Variants in ARHGAP26 observed in about 807,000 individuals in gnomAD.
ARHGAP26 encodes the protein rho GTPase-activating protein 26.
In ARHGAP26, 38 loss-of-function variants were observed where a neutral mutation model predicts 104.8. The observed-to-expected ratio is 0.36, with a 90% confidence interval of 0.28 to 0.48. The LOEUF (loss-of-function observed/expected upper bound fraction) is 0.48, where lower values mean the gene tolerates loss of function less well. ARHGAP26 is among the 20% of genes least tolerant of loss of function. The pLI is 0.99. For synonymous variants in ARHGAP26, 341 were observed against 340.0 expected (o/e 1.00, Z -0.03); for missense variants, 704 against 947.9 (o/e 0.74, Z 3.38).
chr5:142,781,720 G>C (rs995906112), intron 1 of ARHGAP26, among the ~76,000 whole-genome samples: 2 of 152,062 alleles, frequency 1.3e-5, no homozygotes, highest in Admixed American at 1.3e-4. Flanking sequence ...AGAATTCATG[G>C]CTTTTTTTTG....
At chr5:142,872,776 A>G (rs556530076) in intron 1 of ARHGAP26, among the ~76,000 whole-genome samples, 1 of 152,286 alleles carries the variant, frequency 6.6e-6, no homozygotes, top group East Asian at 1.9e-4. Flanking sequence ...AGCCAGGAAA[A>G]TTCAGGTGAG....
rs6149274 is a variant in ARHGAP26, at chr5:143,167,482, C to CA, written c.1988+20137dup. Among the ~76,000 whole-genome samples, 126 of 60,090 alleles carry CA rather than the reference C, an allele frequency of 2.1e-3. 21 individuals are homozygous for CA. Among genetic ancestry groups the CA allele is most frequent in the Non-Finnish European group, 2.4e-3 (87 of 36,288 alleles). 39.4% of individuals were successfully genotyped at this position (60,090 alleles called of 152,430 possible). On this transcript the variant is annotated intron_variant, in intron 20 of 22. Transcript: ENST00000645722. ...TGCATGACAGAGCAAGACTCCATCT[C>CA]AAAAAAAAAAAAAAAAAAAAAAAAA...
At chr5:142,932,020 A>G (rs1764803841) in intron 10 of ARHGAP26, 27 bp from the exon 11 acceptor site, 1 of 1,609,480 alleles carries the variant, frequency 6.2e-7, no homozygotes, top group East Asian at 2.2e-5. Flanking sequence ...CACTGGTTTC[A>G]TATCCATGTC....
At chr5:142,847,817 G>A (rs1036181335) in intron 1 of ARHGAP26, among the ~76,000 whole-genome samples, 2 of 152,248 alleles carry the variant, frequency 1.3e-5, no homozygotes, top group Non-Finnish European at 2.9e-5. Flanking sequence ...GCATTTGGAG[G>A]TTTGGCCCAT....
chr5:142,776,896 T>C (rs1477214804), intron 1 of ARHGAP26, among the ~76,000 whole-genome samples: 1 of 152,214 alleles, frequency 6.6e-6, no homozygotes, highest in East Asian at 1.9e-4. Flanking sequence ...TGTATGAGGA[T>C]TCTGATTTCT....
At chr5:143,171,280 C>G (rs1400756431) in intron 20 of ARHGAP26, among the ~76,000 whole-genome samples, 1 of 152,116 alleles carries the variant, frequency 6.6e-6, no homozygotes, top group African/African-American at 2.4e-5. Context: ...AGTGACTTCC[C>G]CAAGGTCACA....
chr5:142,825,648 A>C (rs999212204), intron 1 of ARHGAP26, among the ~76,000 whole-genome samples: 2 of 152,242 alleles, frequency 1.3e-5, no homozygotes, highest in African/African-American at 4.8e-5. Context: ...GGGACGATAC[A>C]TTCCTTCTGG....
intron 11 of ARHGAP26, among the ~76,000 whole-genome samples, chr5:142,961,957 C>A (rs903162742): frequency 1.3e-5 from 2 of 152,150 alleles, no homozygotes; most frequent in African/African-American, 2.4e-5. Flanking sequence ...GTAGAAATTA[C>A]ACATCTTTTG....
In ARHGAP26 at chr5:143,185,478, G is replaced by A. The variant is rs534961842; in HGVS notation, c.1989-21720G>A. 3.9e-5 allele frequency among the ~76,000 whole-genome samples: 6 copies of A among 152,216 alleles called. No individual in the cohort carries two copies. The East Asian group carries it at 5.8e-4, about 15-fold the overall frequency. ...CTCCTTTTTTTCTTTTACCAAAAACGAAGTAGAAAGAAAGTAAGCTGGCTC... is the reference window on the plus strand; with the variant it reads ...CTCCTTTTTTTCTTTTACCAAAAACAAAGTAGAAAGAAAGTAAGCTGGCTC... On this transcript the variant is annotated intron_variant, in intron 20 of 22. Coordinates refer to ENST00000645722, the MANE Select transcript of ARHGAP26 (RefSeq NM_001135608.3).
intron 11 of ARHGAP26, among the ~76,000 whole-genome samples, chr5:142,955,812 GTGCATCTCATGCTGTCTCCA>G (rs990267300): frequency 2.0e-5 from 3 of 152,186 alleles, no homozygotes; most frequent in Non-Finnish European, 2.9e-5. Flanking sequence ...TTTGGCCAGG[GTGCATCTCATGCTGTCTCCA>G]TGCATCTCAT....
chr5:142,913,667 AT>A lies in ARHGAP26; in HGVS notation c.1028+382del, dbSNP rs555854561. Among the ~76,000 whole-genome samples the A allele has an allele frequency of 1.3e-4, 20 of 152,190 alleles. No individual in the cohort carries two copies. The South Asian group carries it at 3.3e-3, about 25-fold the overall frequency. ...TAGCATGATTGTATCAGCTATTTGA[AT>A]TTTTTTTAACTGAAAAAGTTAGTAT... On this transcript the variant is annotated intron_variant, in intron 10 of 22. Coordinates refer to ENST00000645722, the MANE Select transcript of ARHGAP26 (RefSeq NM_001135608.3).
chr5:142,933,334 C>G lies in ARHGAP26; in HGVS notation c.1107+1209C>G, dbSNP rs141921082. On this transcript the variant is annotated intron_variant, in intron 11 of 22. Transcript: ENST00000645722. ...CTCTTAACCTGTTTATTTCTCTTAG[C>G]ACTTAATGAAATAAGTGCTGTGATT... is the stretch of plus-strand genomic sequence containing the variant. Among the ~76,000 whole-genome samples, 468 of 152,132 alleles carry G rather than the reference C, an allele frequency of 3.1e-3. 4 individuals carry two copies. Among genetic ancestry groups the G allele is most frequent in the African/African-American group, 0.011 (448 of 41,496 alleles).
chr5:143,067,245 C>T (rs1342798116), intron 17 of ARHGAP26, among the ~76,000 whole-genome samples: 1 of 152,092 alleles, frequency 6.6e-6, no homozygotes, highest in African/African-American at 2.4e-5. Context: ...TCTGACTTTC[C>T]TTCTGTTTTA....
chr5:143,111,447 C>T (rs1562446256), intron 17 of ARHGAP26, among the ~76,000 whole-genome samples: 1 of 152,192 alleles, frequency 6.6e-6, no homozygotes, highest in African/African-American at 2.4e-5. Context: ...GAGCTCCAGC[C>T]TCTCCATTTG....
chr5:143,025,367 T>G (rs1488207468), intron 12 of ARHGAP26, among the ~76,000 whole-genome samples: 1 of 152,198 alleles, frequency 6.6e-6, no homozygotes, highest in Non-Finnish European at 1.5e-5. Context: ...CAAATTGTTC[T>G]TAAAGCATTT....
At chr5:143,034,489 G>T (rs1407137497) in intron 12 of ARHGAP26, among the ~76,000 whole-genome samples, 1 of 152,180 alleles carries the variant, frequency 6.6e-6, no homozygotes, top group East Asian at 1.9e-4. Flanking sequence ...AAAGGAGCTA[G>T]ACATAAAAGA....
At chr5:142,794,541 C>A (rs535488365) in intron 1 of ARHGAP26, among the ~76,000 whole-genome samples, 3 of 152,226 alleles carry the variant, frequency 2.0e-5, no homozygotes, top group Admixed American at 1.3e-4. Context: ...AATAAAGTAA[C>A]CCTGGACATT....
chr5:143,175,255 ACAGTTAATGATTGAAAGGACTAAT>A (rs1375617805), intron 20 of ARHGAP26, among the ~76,000 whole-genome samples: 3 of 152,186 alleles, frequency 2.0e-5, no homozygotes, highest in African/African-American at 7.2e-5. Context: ...GAACTTGTAA[ACAGTTAATGATTGAAAGGACTAAT>A]CAGCATCTTG....
chr5:142,790,622 G>A (rs950834798), intron 1 of ARHGAP26, among the ~76,000 whole-genome samples: 4 of 152,254 alleles, frequency 2.6e-5, no homozygotes, highest in East Asian at 1.9e-4. Context: ...ATGATCAGGC[G>A]TCTGCCTACC....
Sources: gnomAD v4.1 joint callset for allele counts (sites outside exome capture counted in the v4.1 genomes callset) on GRCh38, gnomAD v4.1.1 for gene constraint, MANE v1.5 for transcripts, NCBI Gene and HGNC (gene_info 2026-07-23, HGNC 2026-07-21) for gene names.